OAS2: variants seen among roughly 807,000 people sequenced by gnomAD.
OAS2 encodes 2'-5'-oligoadenylate synthetase 2.
Under a neutral mutation model 71.3 loss-of-function variants are expected in OAS2, and 67 were observed. The observed-to-expected ratio is 0.94, with a 90% CI of 0.77 to 1.15. The LOEUF is 1.15. OAS2 is among the 50% of genes most tolerant of loss of function. The pLI is 0.00. For missense variants in OAS2, 789 were observed against 822.5 expected (o/e 0.96, Z 0.50); for synonymous variants, 327 against 321.8 (o/e 1.02, Z -0.17).
chr12:112,986,953 T>G, intron 1 of OAS2, 85 bp from the exon 2 acceptor site: 2 of 1,518,672 alleles, frequency 1.3e-6, no homozygotes, highest in Non-Finnish European at 1.8e-6. Flanking sequence ...TGGCTTTTAC[T>G]TGAGTTGAGA....
At chr12:112,998,083 A>G (rs559182716) in intron 4 of OAS2, among the ~76,000 whole-genome samples, 183 bp from the exon 5 acceptor site, 1 of 152,220 alleles carries the variant, frequency 6.6e-6, no homozygotes, top group Non-Finnish European at 1.5e-5. Context: ...ATGTCTCTGT[A>G]AAGCAGCAAA....
Position 112,990,068 on chromosome 12 carries a change from C to T in OAS2, c.448+2760C>T, listed in dbSNP as rs2044178101. Among the ~76,000 whole-genome samples the T allele has an allele frequency of 3.9e-5, 6 of 152,202 alleles. No homozygotes were observed. In the South Asian group the frequency reaches 1.2e-3, roughly 32 times the overall value. On this transcript the variant is annotated intron_variant, in intron 2 of 9. Transcript: ENST00000392583. ...CCACCCTGCAGCTGGTGCTCTCTTTCCATGCACAAATATTGTGTCACACAC... is the reference window on the plus strand; with the variant it reads ...CCACCCTGCAGCTGGTGCTCTCTTTTCATGCACAAATATTGTGTCACACAC...
chr12:112,986,677 G>A (rs2044139442), intron 1 of OAS2, among the ~76,000 whole-genome samples: 1 of 151,826 alleles, frequency 6.6e-6, no homozygotes, highest in Non-Finnish European at 1.5e-5. Context: ...GCAGGTGCTG[G>A]CCGCAGGTGG....
chr12:113,006,192 T>C (rs1241864012), intron 7 of OAS2, among the ~76,000 whole-genome samples: 1 of 152,170 alleles, frequency 6.6e-6, no homozygotes, highest in African/African-American at 2.4e-5. Context: ...TAAGTCTAGA[T>C]AATACTTTAA....
intron 2 of OAS2, chr12:112,987,864 C>T: frequency 1.4e-5 from 14 of 986,212 alleles, no homozygotes; most frequent in Non-Finnish European, 1.3e-5. Context: ...GAACCCAACT[C>T]CTAAATCCCT....
intron 3 of OAS2, among the ~76,000 whole-genome samples, chr12:112,997,126 T>C (rs1256662117): frequency 1.3e-5 from 2 of 152,200 alleles, no homozygotes; most frequent in Non-Finnish European, 2.9e-5. Context: ...AAGTGACTAT[T>C]ACCTTCTTTT....
chr12:112,999,708 G>A lies in OAS2; in HGVS notation c.1008+1298G>A, dbSNP rs1051224121. On this transcript the variant is annotated intron_variant, in intron 5 of 9. Transcript: ENST00000392583. Reference sequence around the variant, plus strand: ...TTTGCTCTCTGACCCCAATTTTCCCGGCTTCTTCAGACAGATTTTTTCAAA... The same window carrying A: ...TTTGCTCTCTGACCCCAATTTTCCCAGCTTCTTCAGACAGATTTTTTCAAA... Among the ~76,000 whole-genome samples, 5 of 151,876 alleles carry A rather than the reference G, an allele frequency of 3.3e-5. No individual in the cohort carries two copies. In the East Asian group the frequency reaches 5.8e-4, roughly 18 times the overall value.
At position 113,009,169 on chromosome 12, in the gene OAS2, G is replaced by A. The variant is rs1412698617; in HGVS notation, c.1978G>A (p.Ala660Thr). ...RWCWHLLAKE[A>T]KEWLSSPCFK... Reference sequence around the variant, plus strand: ...GTGTTGGCATCTTCTGGCAAAAGAAGCAAAGGAATGGTTATCCTCTCCCTG... The same window carrying A: ...GTGTTGGCATCTTCTGGCAAAAGAAACAAAGGAATGGTTATCCTCTCCCTG... Residue 660 changes from alanine to threonine, a missense_variant, in exon 10 of 10, where the codon GCA becomes ACA. Ala to Thr is a moderately conservative substitution (Grantham distance 58). Coordinates refer to ENST00000392583, the MANE Select transcript of OAS2 (RefSeq NM_002535.3). 1.2e-6 allele frequency: 2 copies of A among 1,613,982 alleles called. No individual in the cohort carries two copies. The highest frequency in any genetic ancestry group is 1.3e-5 in the African/African-American group (1 of 74,900).
At chr12:112,992,393 GA>G (rs57482640) in intron 2 of OAS2, among the ~76,000 whole-genome samples, 36,546 of 96,474 alleles carry the variant, frequency 0.38, 4,572 homozygotes, top group Admixed American at 0.43. Context: ...CTTGTCAAAA[GA>G]AAAAAAAAAA....
intron 1 of OAS2, among the ~76,000 whole-genome samples, chr12:112,986,530 T>A (rs545802609): frequency 6.6e-6 from 1 of 152,182 alleles, no homozygotes; most frequent in East Asian, 1.9e-4. Context: ...AGTGGGCCCA[T>A]CCTTAGGCCT....
chr12:112,995,407 A>T lies in OAS2; in HGVS notation c.560A>T (p.Lys187Met), dbSNP rs1440158726. The T allele has an allele frequency of 1.9e-5, 30 of 1,614,036 alleles. No homozygotes were observed. The East Asian group carries it at 6.7e-4, about 36-fold the overall frequency. ...FAVCFTELQQ[K>M]FFDNRPGKLK... ...GTCTGCTTCACTGAACTCCAGCAGA[A>T]GTTTTTTGACAACCGTCCTGGAAAA... The change falls in exon 3 of 10, where the codon AAG becomes ATG. Residue 187 changes from lysine (K) to methionine (M), a missense_variant. Lys to Met is a moderately conservative substitution (Grantham distance 95). Transcript: ENST00000392583.
chr12:112,987,589 C>T (rs1259505258), intron 2 of OAS2: 35 of 1,267,160 alleles, frequency 2.8e-5, no homozygotes, highest in Non-Finnish European at 3.4e-5. Flanking sequence ...TCACCTGGAA[C>T]CTTGTTAAAA....
chr12:112,978,650 G>C lies in OAS2; in HGVS notation c.42G>C (p.Gln14His). ...GESQLSSVPA[Q>H]KLGWFIQEYL... ...CCCAGCTGTCCTCGGTGCCTGCTCA[G>C]AAGCTGGGTTGGTTTATCCAGGAAT... The change falls in exon 1 of 10, where the codon CAG becomes CAC. Residue 14 changes from glutamine to histidine, a missense_variant. Gln to His is a conservative substitution (Grantham distance 24, BLOSUM62 0). Coordinates refer to ENST00000392583, the MANE Select transcript of OAS2 (RefSeq NM_002535.3). This position sits in a 1 kb window ranked among gnomAD's most constrained non-coding sequence, Gnocchi z 4.2. 1 of 1,614,180 alleles carries C rather than the reference G, an allele frequency of 6.2e-7. No homozygotes were observed. Among genetic ancestry groups the C allele is most frequent in the South Asian group, 1.1e-5 (1 of 91,082 alleles).
At chr12:113,009,052 T>G (rs1203297398) in intron 9 of OAS2, 35 bp from the exon 10 acceptor site, 16 of 1,589,740 alleles carry the variant, frequency 1.0e-5, no homozygotes, top group Non-Finnish European at 1.4e-5. Flanking sequence ...CACTGGGATT[T>G]GGAATCTCCT....
At chr12:113,007,624 GT>G in intron 8 of OAS2, 80 bp from the exon 9 acceptor site, 1 of 1,119,734 alleles carries the variant, frequency 8.9e-7, no homozygotes, top group Non-Finnish European at 1.3e-6. Flanking sequence ...CTGTGACTCA[GT>G]TGCCTTGCTG....
At chr12:113,007,586 T>C in intron 8 of OAS2, 119 bp from the exon 9 acceptor site, 1 of 784,790 alleles carries the variant, frequency 1.3e-6, no homozygotes, top group Non-Finnish European at 2.2e-6. Context: ...ACATCCAAGC[T>C]GCAGAGTGTG....
In OAS2 at chr12:112,987,258, C is replaced by T. The variant is rs372375150; in HGVS notation, c.398C>T (p.Thr133Ile). The change falls in exon 2 of 10, where the codon ACA becomes ATA. Residue 133 changes from threonine to isoleucine, a missense_variant. By Grantham distance (89) the Thr-to-Ile change is moderately conservative. Transcript: ENST00000392583. ...GATGGGTTCACCATCCAGGTGTTCA[C>T]AAAAAATCAGAGAATCTCTTTCGAG... is the stretch of plus-strand genomic sequence containing the variant. ...SLDGFTIQVFTKNQRISFEVL... is the reference protein window; with the variant it reads ...SLDGFTIQVFIKNQRISFEVL... 32 of 1,614,140 alleles carry T rather than the reference C, an allele frequency of 2.0e-5. No homozygotes were observed. Among genetic ancestry groups the T allele is most frequent in the Admixed American group, 6.7e-5 (4 of 60,010 alleles).
intron 5 of OAS2, among the ~76,000 whole-genome samples, chr12:113,000,942 G>T (rs1204173468): frequency 6.6e-6 from 1 of 152,196 alleles, no homozygotes. Flanking sequence ...AGGTGAGCTA[G>T]CCCATCTTGT....
At chr12:113,006,157 A>G (rs1565997669) in intron 7 of OAS2, among the ~76,000 whole-genome samples, 2 of 152,162 alleles carry the variant, frequency 1.3e-5, no homozygotes, top group South Asian at 4.1e-4. Context: ...AAATGGCCAC[A>G]TTGCTGGTGG....
Sources: gnomAD v4.1 joint callset for allele counts (sites outside exome capture counted in the v4.1 genomes callset) on GRCh38, gnomAD v4.1.1 for gene constraint, Gnocchi (gnomAD v3.1) non-coding constraint, MANE v1.5 for transcripts, NCBI Gene and HGNC (gene_info 2026-07-23, HGNC 2026-07-21) for gene names.